The following SNX29 variants were observed in gnomAD, a reference collection of about 807,000 sequenced individuals.
The protein encoded by SNX29 is sorting nexin 29.
A neutral mutation model predicts 102.1 loss-of-function variants in SNX29; 78 were observed. That is an observed-to-expected ratio of 0.76 (90% CI 0.64 to 0.92). The LOEUF is 0.92. Ranked by LOEUF, SNX29 falls within the 40% of genes least tolerant of loss-of-function variation. SNX29 has a pLI of 0.00. For synonymous variants in SNX29, 580 were observed against 414.5 expected, an observed-to-expected ratio of 1.40 and a Z score of -4.85; for missense variants, 1,280 against 1,061.7, an observed-to-expected ratio of 1.21 and a Z score of -2.86.
At chr16:12,550,530 A>AC (rs1491512465) in intron 20 of SNX29, among the ~76,000 whole-genome samples, 2 of 112,832 alleles carry the variant, frequency 1.8e-5, no homozygotes, top group South Asian at 6.8e-4. Flanking sequence ...GTCTCAATCT[A>AC]CAAAAAAAAA....
intron 14 of SNX29, among the ~76,000 whole-genome samples, chr16:12,255,362 A>ATT (rs112355013): frequency 2.0e-5 from 3 of 151,084 alleles, no homozygotes; most frequent in African/African-American, 7.3e-5. Flanking sequence ...TGCCTGGCTA[A>ATT]TTTTTTTTTA....
intron 19 of SNX29, among the ~76,000 whole-genome samples, chr16:12,514,767 A>G (rs940778477): frequency 6.6e-6 from 1 of 152,154 alleles, no homozygotes; most frequent in Non-Finnish European, 1.5e-5. Context: ...CGGGAGGCTG[A>G]GGCAGGAGAA....
intron 11 of SNX29, chr16:12,095,184 C>T (rs139571062): frequency 1.4e-3 from 207 of 152,344 alleles, no homozygotes; most frequent in African/African-American, 4.6e-3. Context: ...AAAATTCATT[C>T]AGTTGATATT....
At chr16:12,549,095 G>A (rs1292293683) in intron 20 of SNX29, among the ~76,000 whole-genome samples, 1 of 152,194 alleles carries the variant, frequency 6.6e-6, no homozygotes, top group Non-Finnish European at 1.5e-5. Flanking sequence ...CTGTTACAGT[G>A]TCATTTCTTG....
chr16:12,486,354 A>G (rs1031482019), intron 19 of SNX29, among the ~76,000 whole-genome samples: 5 of 152,096 alleles, frequency 3.3e-5, no homozygotes, highest in Admixed American at 2.6e-4. Context: ...TAGCATATTC[A>G]CAGGTTCTGG....
At chr16:12,370,509 G>A (rs563824648) in intron 16 of SNX29, among the ~76,000 whole-genome samples, 56 of 152,308 alleles carry the variant, frequency 3.7e-4, no homozygotes, top group Middle Eastern at 6.8e-3. Flanking sequence ...GCAGCAAGTG[G>A]AGATTGTGCC....
intron 13 of SNX29, among the ~76,000 whole-genome samples, chr16:12,142,448 G>A (rs1354682234): frequency 1.3e-5 from 2 of 152,146 alleles, no homozygotes; most frequent in African/African-American, 4.8e-5. Context: ...TGGGGGCTGG[G>A]GGTGAGTACA....
rs536433363 is a variant in SNX29, at chr16:12,450,009, A to C, written c.2038-27710A>C. The stretch of plus-strand genomic sequence containing the variant: ...GGGGCGGTTCCCCCATACTGTTGTT[A>C]TGATGGTGAGTAATTCTCAGGAGAG... On this transcript the variant is annotated intron_variant, in intron 18 of 20. Transcript: ENST00000566228. Among the ~76,000 whole-genome samples the C allele has an allele frequency of 6.6e-5, 10 of 152,222 alleles. 1 individual carries two copies. In the South Asian group the frequency reaches 2.1e-3, roughly 32 times the overall value.
At chr16:12,048,795 C>G (rs1280141148) in intron 7 of SNX29, among the ~76,000 whole-genome samples, 175 bp downstream of exon 7, 6 of 152,146 alleles carry the variant, frequency 3.9e-5, no homozygotes, top group African/African-American at 1.4e-4. Context: ...CTCTGACGGC[C>G]TTACCTAGAT....
At chr16:12,187,797 G>C (rs2076547284) in intron 13 of SNX29, among the ~76,000 whole-genome samples, 1 of 152,142 alleles carries the variant, frequency 6.6e-6, no homozygotes, top group Admixed American at 6.6e-5. Context: ...TGGTACATTA[G>C]GGTATTCCAC....
At chr16:12,018,986 C>T (rs1051204086) in intron 3 of SNX29, among the ~76,000 whole-genome samples, 1 of 151,822 alleles carries the variant, frequency 6.6e-6, no homozygotes, top group Non-Finnish European at 1.5e-5. Context: ...ATATTACAAT[C>T]TAACCTTTTA....
rs1185856796 is a variant in SNX29, at chr16:12,476,423, T to TATATATATAC, written c.2038-1287_2038-1286insCATATATATA. ...ATATATATATATATACATATATATATATATATATATATATATATATGATGA... is the reference window on the plus strand; with the variant it reads ...ATATATATATATATACATATATATATATATATATACATATATATATATATATATATGATGA... On this transcript the variant is annotated intron_variant, in intron 18 of 20. Coordinates refer to ENST00000566228, the MANE Select transcript of SNX29 (RefSeq NM_032167.5). Among the ~76,000 whole-genome samples the TATATATATAC allele has an allele frequency of 5.8e-4, 43 of 73,988 alleles. 1 individual carries two copies. Among genetic ancestry groups the TATATATATAC allele is most frequent in the Non-Finnish European group, 6.5e-4 (25 of 38,626 alleles). 48.5% of individuals were successfully genotyped at this position (73,988 alleles called of 152,430 possible).
At chr16:12,117,376 A>G (rs552846972) in intron 11 of SNX29, among the ~76,000 whole-genome samples, 1 of 142,318 alleles carries the variant, frequency 7.0e-6, no homozygotes, top group South Asian at 2.4e-4. Context: ...TTCAGTGCGG[A>G]CGAACCGTGG....
chr16:12,108,817 A>C (rs906587965), intron 11 of SNX29, among the ~76,000 whole-genome samples: 1 of 152,088 alleles, frequency 6.6e-6, no homozygotes, highest in Admixed American at 6.5e-5. Flanking sequence ...ATAACAGAGT[A>C]CTTGAAGTTG....
chr16:11,992,849 C>T (rs1487368062), intron 1 of SNX29, among the ~76,000 whole-genome samples: 1 of 152,160 alleles, frequency 6.6e-6, no homozygotes, highest in Non-Finnish European at 1.5e-5. Flanking sequence ...CATGGAGAGA[C>T]AGCGAAATAC....
intron 18 of SNX29, among the ~76,000 whole-genome samples, chr16:12,467,939 G>A (rs1419374476): frequency 1.3e-5 from 2 of 152,110 alleles, no homozygotes; most frequent in African/African-American, 2.4e-5. Context: ...AGAGGGAACA[G>A]CCACAGCTCC....
intron 17 of SNX29, 132 bp downstream of exon 17, chr16:12,398,633 A>C: frequency 9.9e-7 from 1 of 1,011,852 alleles, no homozygotes; most frequent in Non-Finnish European, 1.5e-6. Context: ...TGGTTCTTGT[A>C]GAGCTGGTAG....
chr16:12,400,626 C>G (rs779088696), intron 17 of SNX29, among the ~76,000 whole-genome samples: 1 of 152,232 alleles, frequency 6.6e-6, no homozygotes, highest in Non-Finnish European at 1.5e-5. Flanking sequence ...AAAGCAGGCC[C>G]TGGAAGTCAC....
chr16:12,468,677 C>T (rs1174131563), intron 18 of SNX29, among the ~76,000 whole-genome samples: 1 of 152,232 alleles, frequency 6.6e-6, no homozygotes, highest in Non-Finnish European at 1.5e-5. Flanking sequence ...TGGTTTTGTT[C>T]TCCATGATAG....
Sources: allele counts gnomAD v4.1 joint callset (sites outside exome capture counted in the v4.1 genomes callset), GRCh38; gene constraint gnomAD v4.1.1; transcripts MANE v1.5; gene names NCBI Gene and HGNC (gene_info 2026-07-23, HGNC 2026-07-21).